The following EIPR1 variants were observed in gnomAD, a reference collection of about 807,000 sequenced individuals.
EIPR1 encodes the protein EARP complex and GARP complex interacting protein 1.
EIPR1 carries 25 observed loss-of-function variants against 48.1 expected under a neutral mutation model. The ratio of observed to expected loss-of-function variants is 0.52; its 90% CI spans 0.38 to 0.73. EIPR1 has a LOEUF of 0.73. EIPR1 is among the 30% of genes least tolerant of loss of function. The pLI, the probability that EIPR1 is intolerant of heterozygous loss-of-function variation, is 0.00. For missense variants in EIPR1, 415 were observed against 506.2 expected, an observed-to-expected ratio of 0.82 and a Z score of 1.73; for synonymous variants, 204 against 201.9, an observed-to-expected ratio of 1.01 and a Z score of -0.09.
At chr2:3,300,438 T>C (rs1668731207) in intron 3 of EIPR1, among the ~76,000 whole-genome samples, 1 of 152,118 alleles carries the variant, frequency 6.6e-6, no homozygotes, top group Admixed American at 6.6e-5. Context: ...GCACCCCTCC[T>C]CTGCTCTTAC....
chr2:3,234,281 C>T (rs1186423545), intron 4 of EIPR1, among the ~76,000 whole-genome samples: 1 of 152,224 alleles, frequency 6.6e-6, no homozygotes, highest in Non-Finnish European at 1.5e-5. Context: ...TAATACATCG[C>T]ATGCTTAAAT....
chr2:3,221,074 TGGCCG>T (rs1665876098), intron 4 of EIPR1, among the ~76,000 whole-genome samples: 1 of 16,004 alleles, frequency 6.2e-5, no homozygotes, highest in Non-Finnish European at 2.0e-4. Context: ...ACGCACACAA[TGGCCG>T]AGGTACACTC....
At chr2:3,229,418 T>G (rs1053633736) in intron 4 of EIPR1, among the ~76,000 whole-genome samples, 1 of 152,254 alleles carries the variant, frequency 6.6e-6, no homozygotes, top group African/African-American at 2.4e-5. Context: ...ACAGTGATGT[T>G]TCATCAGCAA....
At chr2:3,351,142 A>G (rs1670564931) in intron 2 of EIPR1, among the ~76,000 whole-genome samples, 1 of 152,012 alleles carries the variant, frequency 6.6e-6, no homozygotes, top group Non-Finnish European at 1.5e-5. Flanking sequence ...CTGGGATTAC[A>G]GGTGCGTGCC....
At chr2:3,304,716 C>A (rs1305401713) in intron 3 of EIPR1, among the ~76,000 whole-genome samples, 4 of 149,452 alleles carry the variant, frequency 2.7e-5, no homozygotes, top group Non-Finnish European at 4.5e-5. Context: ...CAATTCAGCC[C>A]TTCAGTCCCG....
At chr2:3,325,644 C>G (rs1277722811) in intron 3 of EIPR1, among the ~76,000 whole-genome samples, 2 of 152,218 alleles carry the variant, frequency 1.3e-5, no homozygotes, top group Non-Finnish European at 1.5e-5. Context: ...TGACAGCATC[C>G]TTTACACACT....
chr2:3,283,234 A>G (rs901004073), intron 3 of EIPR1, among the ~76,000 whole-genome samples: 1 of 152,208 alleles, frequency 6.6e-6, no homozygotes, highest in African/African-American at 2.4e-5. Context: ...AAGAGGGTCC[A>G]TGCAGCAAAT....
At chr2:3,313,388 A>G (rs1669187531) in intron 3 of EIPR1, among the ~76,000 whole-genome samples, 1 of 151,850 alleles carries the variant, frequency 6.6e-6, no homozygotes, top group Non-Finnish European at 1.5e-5. Context: ...GGGGGGTTCA[A>G]GGCGCACAGA....
chr2:3,259,294 C>CT (rs398103970), intron 3 of EIPR1, among the ~76,000 whole-genome samples: 1 of 152,080 alleles, frequency 6.6e-6, no homozygotes, highest in Non-Finnish European at 1.5e-5. Context: ...CACTCCCCCC[C>CT]ACATCCCCAA....
chr2:3,319,318 T>C, intron 3 of EIPR1: 1 of 230,954 alleles, frequency 4.3e-6, no homozygotes. Context: ...GGCAGGTCAT[T>C]GCAACAACTC....
In EIPR1 at chr2:3,286,301, T is replaced by A. The variant is rs1668184027; in HGVS notation, c.260-28846A>T. Among the ~76,000 whole-genome samples, 1 of 152,208 alleles carries A rather than the reference T, an allele frequency of 6.6e-6. No individual in the cohort carries two copies. Among genetic ancestry groups the A allele is most frequent in the Non-Finnish European group, 1.5e-5 (1 of 68,028 alleles). On this transcript the variant is annotated intron_variant, in intron 3 of 8. Transcript: ENST00000382125. This position sits in a 1 kb window ranked among gnomAD's most constrained non-coding sequence, Gnocchi z 4.2. ...CAACTGCCGTCACCGTGCCTGCCTG[T>A]GTATGACGTGTACACACACTGCTCC...
At chr2:3,203,301 A>T (rs1265702816) in intron 5 of EIPR1, among the ~76,000 whole-genome samples, 4 of 152,278 alleles carry the variant, frequency 2.6e-5, no homozygotes, top group African/African-American at 9.6e-5. Context: ...GAAAGCTTTC[A>T]TGAGGCTTAG....
intron 3 of EIPR1, among the ~76,000 whole-genome samples, chr2:3,293,720 T>C (rs1413541832): frequency 6.6e-6 from 1 of 152,202 alleles, no homozygotes; most frequent in South Asian, 2.1e-4. Flanking sequence ...GTAAACTCTC[T>C]TAATATGCTG....
intron 3 of EIPR1, among the ~76,000 whole-genome samples, chr2:3,291,101 C>T (rs1572402585): frequency 6.6e-6 from 1 of 152,200 alleles, no homozygotes; most frequent in South Asian, 2.1e-4. Flanking sequence ...AGGAACATGC[C>T]TCAGATGCGA....
intron 3 of EIPR1, among the ~76,000 whole-genome samples, chr2:3,336,004 A>C (rs376697270): frequency 6.6e-6 from 1 of 152,194 alleles, no homozygotes; most frequent in African/African-American, 2.4e-5. Flanking sequence ...GACGGGCCAC[A>C]CTGCATGTGG....
intron 7 of EIPR1, 111 bp downstream of exon 7, chr2:3,193,888 G>C: frequency 8.6e-7 from 1 of 1,168,642 alleles, no homozygotes. Context: ...TTGATTGAAT[G>C]ATTCACAGCA....
intron 3 of EIPR1, among the ~76,000 whole-genome samples, chr2:3,269,432 TCAATCATCACCACACTCAATCATCAC>T: frequency 8.5e-6 from 1 of 117,490 alleles, no homozygotes; most frequent in African/African-American, 3.4e-5. Flanking sequence ...ATCATCACAC[TCAATCATCACCACACTCAATCATCAC>T]CACACTCAGT....
chr2:3,207,416 C>T (rs1285141610), intron 5 of EIPR1, among the ~76,000 whole-genome samples: 1 of 152,242 alleles, frequency 6.6e-6, no homozygotes, highest in Admixed American at 6.5e-5. Context: ...CACCTTCCCA[C>T]TCACCCGTGC....
chr2:3,222,468 A>G (rs779156153), intron 4 of EIPR1, among the ~76,000 whole-genome samples: 6 of 152,260 alleles, frequency 3.9e-5, no homozygotes, highest in Non-Finnish European at 7.3e-5. Flanking sequence ...AAAAAATATA[A>G]TTCAAAAAGA....
Sources: gnomAD v4.1 joint callset for allele counts (sites outside exome capture counted in the v4.1 genomes callset) on GRCh38, gnomAD v4.1.1 for gene constraint, Gnocchi (gnomAD v3.1) non-coding constraint, MANE v1.5 for transcripts, NCBI Gene and HGNC (gene_info 2026-07-23, HGNC 2026-07-21) for gene names.